SLC5A2: variants seen among roughly 807,000 people sequenced by gnomAD.
The protein encoded by SLC5A2 is sodium/glucose cotransporter 2.
A neutral mutation model predicts 69.0 loss-of-function variants in SLC5A2; 67 were observed. The observed-to-expected ratio is 0.97, with a 90% confidence interval of 0.80 to 1.19. SLC5A2 has a LOEUF of 1.19. SLC5A2 is among the 50% of genes most tolerant of loss of function. The pLI, the probability that SLC5A2 is intolerant of heterozygous loss-of-function variation, is 0.00. For synonymous variants in SLC5A2, 455 were observed against 395.8 expected (o/e 1.15, Z -1.78); for missense variants, 1,001 against 921.5 (o/e 1.09, Z -1.12).
Position 31,485,898 on chromosome 16 carries a change from G to A in SLC5A2, c.468+5G>A. 1 of 1,613,540 alleles carries A rather than the reference G, an allele frequency of 6.2e-7. No individual in the cohort carries two copies. The highest frequency in any genetic ancestry group is 8.5e-7 in the Non-Finnish European group (1 of 1,180,028). ...TACATCTTCACCAAGATCTCAGTGA[G>A]TGCCTGTGGCAGATGCGATTGGGCC... On this transcript the variant is annotated splice_donor_5th_base_variant and intron_variant, in intron 4 of 13. Coordinates refer to ENST00000330498, the MANE Select transcript of SLC5A2 (RefSeq NM_003041.4).
rs756643864 is a variant in SLC5A2 at position 31,485,780 on chromosome 16, A to T, written c.355A>T (p.Thr119Ser). The T allele has an allele frequency of 1.9e-6, 3 of 1,613,754 alleles. No homozygotes were observed. Among genetic ancestry groups the T allele is most frequent in the Admixed American group, 3.3e-5 (2 of 60,028 alleles). Reference sequence around the variant, plus strand: ...CTGGCTGTTTGCACCCGTGTACCTGACAGCGGGGGTCATCACGATGCCACA... The same window carrying T: ...CTGGCTGTTTGCACCCGTGTACCTGTCAGCGGGGGTCATCACGATGCCACA... ...LGWLFAPVYL[T>S]AGVITMPQYL... Residue 119 changes from threonine to serine, a missense_variant, in exon 4 of 14, where the codon ACA becomes TCA. Transcript: ENST00000330498.
intron 10 of SLC5A2, 53 bp from the exon 11 acceptor site, chr16:31,488,827 G>A: frequency 6.2e-7 from 1 of 1,600,904 alleles, no homozygotes; most frequent in South Asian, 1.1e-5. Flanking sequence ...GGGGGCTTGC[G>A]CACCTGCAGG....
intron 5 of SLC5A2, 93 bp from the exon 6 acceptor site, chr16:31,487,227 G>A (rs1444069124): frequency 1.7e-6 from 2 of 1,177,224 alleles, no homozygotes; most frequent in Non-Finnish European, 2.5e-6. Context: ...CCAGGAAGGG[G>A]AACTCTTTCA....
Position 31,485,820 on chromosome 16 carries a change from G to T in SLC5A2, c.395G>T (p.Arg132Leu). ...VITMPQYLRK[R>L]FGGRRIRLYL... ...ACGATGCCACAGTACCTGCGCAAGC[G>T]CTTCGGCGGCCGCCGCATCCGCCTC... The change falls in exon 4 of 14, where the codon CGC becomes CTC. Residue 132 changes from arginine (R) to leucine (L), a missense_variant. Transcript: ENST00000330498. 1 of 1,613,234 alleles carries T rather than the reference G, an allele frequency of 6.2e-7. No individual in the cohort carries two copies.
rs200528101 is a variant in SLC5A2, at chr16:31,488,856, T to C, written c.1281-24T>C. On this transcript the variant is annotated intron_variant, in intron 10 of 13. Transcript: ENST00000330498. ...CTGCAGGGGAGCCCAGGGTCCGGGT[T>C]CGATCCGACGGCCTCCGCCGCAGGC... The C allele has an allele frequency of 1.9e-4, 300 of 1,603,330 alleles. 2 individuals are homozygous for C. In the East Asian group the frequency reaches 5.3e-3, roughly 28 times the overall value.
Sources: gnomAD v4.1 joint callset for allele counts on GRCh38, gnomAD v4.1.1 for gene constraint, MANE v1.5 for transcripts, NCBI Gene and HGNC (gene_info 2026-07-23, HGNC 2026-07-21) for gene names.